NBEA: variants seen among roughly 807,000 people sequenced by gnomAD.
NBEA encodes lysosomal-trafficking regulator 2.
NBEA carries 44 observed loss-of-function variants against 343.4 expected under a neutral mutation model. The ratio of observed to expected loss-of-function variants is 0.13; its 90% CI spans 0.10 to 0.16. NBEA has a LOEUF of 0.16. Ranked by LOEUF, NBEA falls within the 10% of genes least tolerant of loss-of-function variation. NBEA has a pLI of 1.00. For missense variants in NBEA, 2,555 were observed against 3,631.3 expected (o/e 0.70, Z 7.62); for synonymous variants, 1,175 against 1,238.7 (o/e 0.95, Z 1.08).
intron 13 of NBEA, among the ~76,000 whole-genome samples, chr13:35,114,043 C>T (rs1170295667): frequency 6.6e-6 from 1 of 152,152 alleles, no homozygotes; most frequent in Admixed American, 6.5e-5. Context: ...CCTTATCCCG[C>T]CCTGAAATTA....
At chr13:35,333,105 A>C (rs540285033) in intron 36 of NBEA, among the ~76,000 whole-genome samples, 1 of 152,242 alleles carries the variant, frequency 6.6e-6, no homozygotes, top group Non-Finnish European at 1.5e-5. Context: ...ACAAAAGCAA[A>C]CCATCATAGA....
chr13:35,324,515 A>G (rs1488700462), intron 36 of NBEA, among the ~76,000 whole-genome samples: 2 of 152,252 alleles, frequency 1.3e-5, no homozygotes, highest in Non-Finnish European at 1.5e-5. Context: ...AATATAATAC[A>G]TGGACATGTA....
At chr13:35,465,601 A>C (rs1039364115) in intron 40 of NBEA, among the ~76,000 whole-genome samples, 1 of 152,206 alleles carries the variant, frequency 6.6e-6, no homozygotes, top group Non-Finnish European at 1.5e-5. Flanking sequence ...TGTATTCCAT[A>C]TGTTGAACTA....
intron 35 of NBEA, among the ~76,000 whole-genome samples, chr13:35,299,162 T>A (rs746157795): frequency 1.3e-5 from 2 of 152,144 alleles, no homozygotes; most frequent in East Asian, 3.8e-4. Flanking sequence ...CAGATAATGA[T>A]AAATAGATAT....
chr13:35,509,373 C>CAGAGAG (rs112003801), intron 41 of NBEA, among the ~76,000 whole-genome samples: 1 of 149,842 alleles, frequency 6.7e-6, no homozygotes, highest in Admixed American at 6.7e-5. Flanking sequence ...TGTGTAGAGT[C>CAGAGAG]AGAGAGAGAG....
At chr13:35,591,400 T>G (rs934756535) in intron 46 of NBEA, among the ~76,000 whole-genome samples, 7 of 152,078 alleles carry the variant, frequency 4.6e-5, no homozygotes, top group African/African-American at 1.7e-4. Context: ...AGCAAATAAA[T>G]TAGTGAAAGA....
chr13:35,444,696 T>C (rs2045906696), intron 39 of NBEA, among the ~76,000 whole-genome samples: 1 of 152,030 alleles, frequency 6.6e-6, no homozygotes, highest in Admixed American at 6.6e-5. Context: ...TTTCCAAAGA[T>C]GAAAAGAAGC....
At chr13:35,390,333 T>C (rs2042440953) in intron 38 of NBEA, among the ~76,000 whole-genome samples, 1 of 152,158 alleles carries the variant, frequency 6.6e-6, no homozygotes, top group South Asian at 2.1e-4. Context: ...TTTAACACTT[T>C]CTTTTTCTTT....
chr13:35,599,309 C>T (rs1053129818), intron 47 of NBEA, among the ~76,000 whole-genome samples: 2 of 152,160 alleles, frequency 1.3e-5, no homozygotes, highest in Admixed American at 1.3e-4. Context: ...TGTAACAAAT[C>T]ACCCCAAAAC....
intron 17 of NBEA, among the ~76,000 whole-genome samples, chr13:35,124,598 A>T (rs1459570189): frequency 1.3e-5 from 2 of 150,056 alleles, no homozygotes; most frequent in Non-Finnish European, 3.0e-5. Context: ...ACATATATGG[A>T]TATATATACA....
intron 10 of NBEA, among the ~76,000 whole-genome samples, chr13:35,083,705 G>T (rs2064558427): frequency 6.6e-6 from 1 of 152,096 alleles, no homozygotes; most frequent in East Asian, 1.9e-4. Context: ...ATCAACTAAT[G>T]GGCAAAATAA....
At chr13:35,499,389 G>A (rs909483054) in intron 41 of NBEA, among the ~76,000 whole-genome samples, 18 of 151,974 alleles carry the variant, frequency 1.2e-4, no homozygotes, top group Non-Finnish European at 2.2e-4. Flanking sequence ...TAGAAAGTGC[G>A]GAGCTGCCAC....
At chr13:35,669,732 A>G (rs1336334533) in intron 58 of NBEA, among the ~76,000 whole-genome samples, 1 of 152,192 alleles carries the variant, frequency 6.6e-6, no homozygotes, top group East Asian at 1.9e-4. Flanking sequence ...TGCTGCCATC[A>G]TCATAGGTTG....
intron 1 of NBEA, among the ~76,000 whole-genome samples, chr13:34,954,748 A>T (rs901245369): frequency 6.6e-6 from 1 of 152,192 alleles, no homozygotes; most frequent in Non-Finnish European, 1.5e-5. Flanking sequence ...TCTCCAGATT[A>T]CTTATAATAC....
chr13:35,134,318 C>A (rs1243350337), intron 17 of NBEA, among the ~76,000 whole-genome samples: 3 of 151,184 alleles, frequency 2.0e-5, no homozygotes, highest in Admixed American at 2.0e-4. Flanking sequence ...TATGTTCAAT[C>A]TTACATATTT....
intron 34 of NBEA, among the ~76,000 whole-genome samples, chr13:35,235,876 T>A (rs139049201): frequency 6.6e-6 from 1 of 152,292 alleles, no homozygotes; most frequent in Non-Finnish European, 1.5e-5. Context: ...CAGGTGAACC[T>A]GGATTTTTTT....
chr13:35,086,130 A>G (rs2064748555), intron 10 of NBEA, among the ~76,000 whole-genome samples: 1 of 152,128 alleles, frequency 6.6e-6, no homozygotes, highest in Admixed American at 6.6e-5. Context: ...GGAAGAATCA[A>G]TATCGTGAAA....
chr13:35,047,913 T>C (rs1025261822), intron 4 of NBEA, among the ~76,000 whole-genome samples: 7 of 151,850 alleles, frequency 4.6e-5, no homozygotes, highest in African/African-American at 1.7e-4. Flanking sequence ...TACTTTCTTA[T>C]TTATTCCTTA....
At chr13:35,169,062 AT>A in intron 25 of NBEA, 67 bp downstream of exon 25, 2 of 1,262,864 alleles carry the variant, frequency 1.6e-6, no homozygotes, top group South Asian at 1.6e-5. Flanking sequence ...TATTTATGAA[AT>A]TTTTGACTTG....
Sources: allele counts gnomAD v4.1 joint callset (sites outside exome capture counted in the v4.1 genomes callset), GRCh38; gene constraint gnomAD v4.1.1; transcripts MANE v1.5; gene names NCBI Gene and HGNC (gene_info 2026-07-23, HGNC 2026-07-21).